The following HIPK3 variants were observed in gnomAD, a reference collection of about 807,000 sequenced individuals.
HIPK3 encodes the protein homeodomain-interacting protein kinase 3.
Under a neutral mutation model 124.2 loss-of-function variants are expected in HIPK3, and 47 were observed. That is an observed-to-expected ratio of 0.38 (90% CI 0.30 to 0.48). The LOEUF (loss-of-function observed/expected upper bound fraction) is 0.48. Among genes scored for constraint, HIPK3 ranks in the 20% least tolerant of loss-of-function variants. HIPK3 has a pLI of 0.98. For synonymous variants in HIPK3, 482 were observed against 515.2 expected, an observed-to-expected ratio of 0.94 and a Z score of 0.87; for missense variants, 1,286 against 1,454.3, an observed-to-expected ratio of 0.88 and a Z score of 1.88.
intron 2 of HIPK3, among the ~76,000 whole-genome samples, chr11:33,308,742 CTT>C (rs35729613): frequency 1.4e-5 from 2 of 139,716 alleles, no homozygotes; most frequent in South Asian, 2.2e-4. Context: ...TTTCTTTTAA[CTT>C]TTTTTTTTTT....
intron 1 of HIPK3, among the ~76,000 whole-genome samples, chr11:33,265,739 A>G (rs1172163202): frequency 4.3e-5 from 6 of 138,148 alleles, no homozygotes; most frequent in African/African-American, 8.2e-5. Flanking sequence ...TACCACTGCA[A>G]TCCAGCTTGA....
At chr11:33,320,898 A>AAG (rs1174890315) in intron 2 of HIPK3, among the ~76,000 whole-genome samples, 1 of 152,164 alleles carries the variant, frequency 6.6e-6, no homozygotes, top group Non-Finnish European at 1.5e-5. Context: ...CTGGAGTTAA[A>AAG]AGAGAGAGGT....
upstream of HIPK3, among the ~76,000 whole-genome samples, chr11:33,256,955 T>C (rs963493267): frequency 2.0e-5 from 3 of 152,224 alleles, no homozygotes; most frequent in African/African-American, 7.2e-5. Flanking sequence ...AACGACCAAA[T>C]GCCGAGAAAC....
rs1467931082 is a variant in HIPK3 at position 33,257,998 on chromosome 11, C to G, written c.-3+109C>G. 3.4e-6 allele frequency: 3 copies of G among 893,194 alleles called. No homozygotes were observed. In the African/African-American group the frequency reaches 5.4e-5, roughly 16 times the overall value. 55.3% of individuals were successfully genotyped at this position (893,194 alleles called of 1,614,324 possible). ...AGCCTGACCCGGGCCTGGCCCGACA[C>G]CTCCGGCGCAGCCCGCACTCATTGC... On this transcript the variant is annotated intron_variant, in intron 1 of 16. Coordinates refer to ENST00000303296, the MANE Select transcript of HIPK3 (RefSeq NM_005734.5).
chr11:33,271,559 C>G (rs1211578318), intron 1 of HIPK3, among the ~76,000 whole-genome samples: 1 of 152,232 alleles, frequency 6.6e-6, no homozygotes, highest in South Asian at 2.1e-4. Flanking sequence ...GAGCAAGACC[C>G]TGTCTCAAAA....
intron 1 of HIPK3, among the ~76,000 whole-genome samples, chr11:33,272,836 C>T (rs1453937834): frequency 7.0e-5 from 2 of 28,436 alleles, no homozygotes; most frequent in Middle Eastern, 0.015. Flanking sequence ...TTCCTCCCCT[C>T]CCCTCCCGTT....
chr11:33,312,762 TCTTAA>T (rs1400359577), intron 2 of HIPK3, among the ~76,000 whole-genome samples: 2 of 152,338 alleles, frequency 1.3e-5, no homozygotes, highest in Admixed American at 6.5e-5. Context: ...ACTCAAGCAC[TCTTAA>T]CTTGTGATGC....
At chr11:33,319,882 G>A (rs1852614878) in intron 2 of HIPK3, among the ~76,000 whole-genome samples, 1 of 152,226 alleles carries the variant, frequency 6.6e-6, no homozygotes, top group South Asian at 2.1e-4. Flanking sequence ...GAACAGTCAA[G>A]CAAGATAAAG....
chr11:33,339,575 A>T (rs1853269285), intron 6 of HIPK3, 41 bp downstream of exon 6: 2 of 1,372,150 alleles, frequency 1.5e-6, no homozygotes, highest in Non-Finnish European at 2.0e-6. Context: ...TCTAAAAAAA[A>T]ATAAGTCTGT....
intron 15 of HIPK3, 146 bp downstream of exon 15, chr11:33,351,989 TC>T (rs1393159773): frequency 5.0e-6 from 5 of 994,304 alleles, no homozygotes; most frequent in Non-Finnish European, 7.4e-6. Flanking sequence ...TCTAGTATTA[TC>T]CAGTGCTTGG....
chr11:33,302,339 C>CTTTTTTTTTTTTTTTTTTTTTT lies in HIPK3; in HGVS notation c.1097+14830_1097+14831insTTTTTTTTTTTTTTTTTTTTTT, dbSNP rs374964013. On this transcript the variant is annotated intron_variant, in intron 2 of 16. Coordinates refer to ENST00000303296, the MANE Select transcript of HIPK3 (RefSeq NM_005734.5). ...TGAACTTCTCTATGATAATTCCTTA[C>CTTTTTTTTTTTTTTTTTTTTTT]TTCTTTTTTTTTTTTTTGAGAAGGA... 6.6e-5 allele frequency among the ~76,000 whole-genome samples: 8 copies of CTTTTTTTTTTTTTTTTTTTTTT among 121,140 alleles called. 2 individuals carry two copies. The highest frequency in any genetic ancestry group is 8.6e-5 in the Non-Finnish European group (5 of 57,862). 79.5% of individuals were successfully genotyped at this position (121,140 alleles called of 152,430 possible).
At chr11:33,305,405 A>G (rs191310521) in intron 2 of HIPK3, among the ~76,000 whole-genome samples, 35 of 152,320 alleles carry the variant, frequency 2.3e-4, no homozygotes, top group Non-Finnish European at 4.0e-4. Context: ...TATATGAGGA[A>G]TAAGAATCTA....
At chr11:33,332,225 CACTG>C (rs1321544939) in intron 3 of HIPK3, among the ~76,000 whole-genome samples, 3 of 152,200 alleles carry the variant, frequency 2.0e-5, no homozygotes, top group African/African-American at 4.8e-5. Context: ...TGTAAGTAGA[CACTG>C]ACCGTGTTGA....
Position 33,356,217 on chromosome 11 carries a change from A to C in HIPK3, c.*2649A>C, listed in dbSNP as rs1853813063. 1 of 152,028 alleles carries C rather than the reference A, an allele frequency of 6.6e-6. No individual in the cohort carries two copies. The highest frequency in any genetic ancestry group is 2.4e-5 in the African/African-American group (1 of 41,446). The allele number at this position is 152,028 out of a possible 1,614,324, so 9.4% of individuals were successfully genotyped here. A position where few individuals can be genotyped will look rare whatever the true frequency, so the allele number is the denominator to read the frequency against. On this transcript the variant is annotated 3_prime_UTR_variant, in exon 17 of 17. Coordinates refer to ENST00000303296, the MANE Select transcript of HIPK3 (RefSeq NM_005734.5). ...AATGGTAAACTTCAACATTTTCATA[A>C]TACAGTATTAATGTTTGATAAAGGT...
In HIPK3 at chr11:33,257,559, G is replaced by C. The variant is rs1286029674; in HGVS notation, c.-333G>C. The C allele has an allele frequency of 1.0e-6, 1 of 985,570 alleles. No individual in the cohort carries two copies. The highest frequency in any genetic ancestry group is 1.2e-6 in the Non-Finnish European group (1 of 830,118). The allele number at this position is 985,570 out of a possible 1,614,324, so 61.1% of individuals were successfully genotyped here. A position where few individuals can be genotyped will look rare whatever the true frequency, so the allele number is the denominator to read the frequency against. On this transcript the variant is annotated 5_prime_UTR_variant, in exon 1 of 17. Transcript: ENST00000303296. ...CCTGCGTCGCCCGTAGGCCCCAGTA[G>C]CCGGAGGCCGACCGGCCTCCCACTA...
rs558709453 is a variant in HIPK3, at chr11:33,317,168, G to C, written c.1098-11342G>C. The stretch of plus-strand genomic sequence containing the variant: ...GTATTTTTAGTAGAGATGGGGTTTT[G>C]CCGTATTGGCCAAGGCTGGTCTTGA... On this transcript the variant is annotated intron_variant, in intron 2 of 16. Coordinates refer to ENST00000303296, the MANE Select transcript of HIPK3 (RefSeq NM_005734.5). Among the ~76,000 whole-genome samples, 4 of 151,536 alleles carry C rather than the reference G, an allele frequency of 2.6e-5. No homozygotes were observed. The East Asian group carries it at 7.8e-4, about 29-fold the overall frequency.
chr11:33,271,068 A>G lies in HIPK3; in HGVS notation c.-3+13179A>G, dbSNP rs147057960. ...AGTTTTATATTAGTCTAGTATACCA[A>G]TTCCTAGCAGTATGATTCCAGGTAA... On this transcript the variant is annotated intron_variant, in intron 1 of 16. Transcript: ENST00000303296. Among the ~76,000 whole-genome samples, 540 of 152,294 alleles carry G rather than the reference A, an allele frequency of 3.5e-3. 6 individuals are homozygous for G. Among genetic ancestry groups the G allele is most frequent in the East Asian group, 0.021 (111 of 5,188 alleles).
chr11:33,333,439 T>C (rs1853048227), intron 3 of HIPK3, among the ~76,000 whole-genome samples: 1 of 152,170 alleles, frequency 6.6e-6, no homozygotes, highest in South Asian at 2.1e-4. Context: ...CCAAGAGTCA[T>C]TGGTATTTCT....
At chr11:33,330,877 TTTTTTC>T (rs891343859) in intron 3 of HIPK3, among the ~76,000 whole-genome samples, 32 of 152,010 alleles carry the variant, frequency 2.1e-4, no homozygotes, top group African/African-American at 6.5e-4. Flanking sequence ...TATGTTTTTC[TTTTTTC>T]TTTTTCTTTT....
Sources: gnomAD v4.1 joint callset for allele counts (sites outside exome capture counted in the v4.1 genomes callset) on GRCh38, gnomAD v4.1.1 for gene constraint, MANE v1.5 for transcripts, NCBI Gene and HGNC (gene_info 2026-07-23, HGNC 2026-07-21) for gene names.